Variants in ACAT1 observed in about 807,000 individuals in gnomAD.
The protein encoded by ACAT1 is acetyl-CoA acetyltransferase, mitochondrial.
A neutral mutation model predicts 47.3 loss-of-function variants in ACAT1; 28 were observed. That is an observed-to-expected ratio of 0.59 (90% CI 0.44 to 0.81). ACAT1 has a LOEUF of 0.81. Among genes scored for constraint, ACAT1 ranks in the 30% least tolerant of loss-of-function variants. The pLI, the probability that ACAT1 is intolerant of heterozygous loss-of-function variation, is 0.00. For missense variants in ACAT1, 469 were observed against 524.3 expected (o/e 0.89, Z 1.03); for synonymous variants, 181 against 173.6 (o/e 1.04, Z -0.34).
At position 108,138,891 on chromosome 11, in the gene ACAT1, T is replaced by C. The variant is rs775534544; in HGVS notation, c.436-7T>C. ...TAACATTGGGTTTTTCTGGTGTTTC[T>C]GCGCAGGATGTGATGGTGGCAGGTG... On this transcript the variant is annotated splice_polypyrimidine_tract_variant and splice_region_variant and intron_variant, in intron 5 of 11. Transcript: ENST00000265838. 2 of 1,614,202 alleles carry C rather than the reference T, an allele frequency of 1.2e-6. No homozygotes were observed. The highest frequency in any genetic ancestry group is 2.2e-5 in the East Asian group (1 of 44,878).
rs73559240 is a variant in ACAT1, at chr11:108,123,858, T to C, written c.72+2180T>C. The stretch of plus-strand genomic sequence containing the variant: ...ACCTTTATCCTATATTTGACACTAT[T>C]GACCACTCCCTTCTTGAAACTGTTT... On this transcript the variant is annotated intron_variant, in intron 1 of 11. Coordinates refer to ENST00000265838, the MANE Select transcript of ACAT1 (RefSeq NM_000019.4). 2.1e-3 allele frequency among the ~76,000 whole-genome samples: 320 copies of C among 152,306 alleles called. 1 individual carries two copies. Among genetic ancestry groups the C allele is most frequent in the African/African-American group, 7.2e-3 (301 of 41,582 alleles).
chr11:108,140,130 TATTA>T lies in ACAT1; in HGVS notation c.649_652del (p.Asn217LeufsTer25). ...CACGAAATGAACAGGACGCTTATGC[TATTA>T]ATTCTTATACCAGAAGTAAAGCAGC... On this transcript the variant is annotated frameshift_variant, in exon 7 of 12. Coordinates refer to ENST00000265838, the MANE Select transcript of ACAT1 (RefSeq NM_000019.4). LOFTEE classifies it high-confidence loss of function. The T allele has an allele frequency of 1.9e-6, 3 of 1,614,172 alleles. No individual in the cohort carries two copies. Among genetic ancestry groups the T allele is most frequent in the Non-Finnish European group, 2.5e-6 (3 of 1,179,984 alleles).
In ACAT1 at chr11:108,140,143, A is replaced by G. The variant is rs199573646; in HGVS notation, c.658A>G (p.Thr220Ala). 4.3e-6 allele frequency: 7 copies of G among 1,614,164 alleles called. No individual in the cohort carries two copies. In the East Asian group the frequency reaches 8.9e-5, roughly 21 times the overall value. The change falls in exon 7 of 12, where the codon ACC becomes GCC. Residue 220 changes from threonine (T) to alanine (A), a missense_variant. By Grantham distance (58) the Thr-to-Ala change is moderately conservative. Transcript: ENST00000265838. Reference sequence around the variant, plus strand: ...GGACGCTTATGCTATTAATTCTTATACCAGAAGTAAAGCAGCATGGGAAGC... The same window carrying G: ...GGACGCTTATGCTATTAATTCTTATGCCAGAAGTAAAGCAGCATGGGAAGC... ...EQDAYAINSY[T>A]RSKAAWEAGK...
intron 1 of ACAT1, among the ~76,000 whole-genome samples, chr11:108,127,674 T>C (rs188860596): frequency 3.8e-4 from 58 of 151,838 alleles, no homozygotes; most frequent in African/African-American, 1.3e-3. Flanking sequence ...CACTTGGAGG[T>C]TGGAAGGGGA....
Position 108,133,928 on chromosome 11 carries a change from G to T in ACAT1, c.229G>T (p.Glu77Ter). 1 of 1,613,800 alleles carries T rather than the reference G, an allele frequency of 6.2e-7. No individual in the cohort carries two copies. Among genetic ancestry groups the T allele is most frequent in the Non-Finnish European group, 8.5e-7 (1 of 1,179,756 alleles). ...LGSIAIQGAI[E>*]KAGIPKEEVK... is the part of the protein sequence containing the mutation. ...TTCCATTGCAATTCAGGGAGCCATT[G>T]AAAAGGCAGGTCAGTAGTTACTTGG... The change falls in exon 3 of 12, where the codon GAA becomes TAA. Residue 77 changes from glutamate to a stop codon, truncating the protein, a stop_gained. Transcript: ENST00000265838. LOFTEE classifies it high-confidence loss of function.
chr11:108,133,932 A>G lies in ACAT1; in HGVS notation c.233A>G (p.Lys78Arg). The G allele has an allele frequency of 6.2e-7, 1 of 1,613,682 alleles. No homozygotes were observed. The highest frequency in any genetic ancestry group is 8.5e-7 in the Non-Finnish European group (1 of 1,179,632). Residue 78 changes from lysine (K) to arginine (R), a missense_variant, in exon 3 of 12, where the codon AAG (lysine) becomes AGG (arginine). Transcript: ENST00000265838. ...ATTGCAATTCAGGGAGCCATTGAAAAGGCAGGTCAGTAGTTACTTGGCTTT... is the reference window on the plus strand; with the variant it reads ...ATTGCAATTCAGGGAGCCATTGAAAGGGCAGGTCAGTAGTTACTTGGCTTT... ...GSIAIQGAIE[K>R]AGIPKEEVKE...
At chr11:108,139,086 C>T in intron 6 of ACAT1, 45 bp downstream of exon 6, 1 of 1,608,490 alleles carries the variant, frequency 6.2e-7, no homozygotes, top group Non-Finnish European at 8.5e-7. Flanking sequence ...ATGTCCAATA[C>T]TGTTTGATTT....
intron 5 of ACAT1, chr11:108,136,187 A>AT: frequency 8.9e-6 from 5 of 560,800 alleles, no homozygotes; most frequent in East Asian, 3.1e-5. Context: ...TCAGATGAAG[A>AT]TTTTTTTCAG....
chr11:108,132,648 A>G (rs1328590962), intron 2 of ACAT1, among the ~76,000 whole-genome samples: 3 of 151,704 alleles, frequency 2.0e-5, no homozygotes, highest in Non-Finnish European at 2.9e-5. Flanking sequence ...AGGTCAGGAG[A>G]TCGAGACCAT....
chr11:108,143,597 T>C (rs977807084), intron 9 of ACAT1: 1 of 155,072 alleles, frequency 6.4e-6, no homozygotes, highest in Non-Finnish European at 1.4e-5. Flanking sequence ...TTAGCTTAGA[T>C]CATGGTTTCT....
rs879255505 is a variant in ACAT1, at chr11:108,140,138, C to T, written c.653C>T (p.Ser218Phe). 6.2e-7 allele frequency: 1 copy of T among 1,614,126 alleles called. No homozygotes were observed. Among genetic ancestry groups the T allele is most frequent in the Non-Finnish European group, 8.5e-7 (1 of 1,180,010 alleles). The part of the protein sequence containing the change: ...RNEQDAYAIN[S>F]YTRSKAAWEA... Reference sequence around the variant, plus strand: ...GAACAGGACGCTTATGCTATTAATTCTTATACCAGAAGTAAAGCAGCATGG... The same window carrying T: ...GAACAGGACGCTTATGCTATTAATTTTTATACCAGAAGTAAAGCAGCATGG... The change falls in exon 7 of 12, where the codon TCT (serine) becomes TTT (phenylalanine). Residue 218 changes from serine (S) to phenylalanine (F), a missense_variant. Transcript: ENST00000265838.
chr11:108,137,748 C>T (rs1318263843), intron 5 of ACAT1, among the ~76,000 whole-genome samples: 1 of 151,714 alleles, frequency 6.6e-6, no homozygotes, highest in Admixed American at 6.6e-5. Context: ...TTGAGACCGG[C>T]CTGGGTGATA....
At position 108,133,803 on chromosome 11, in the gene ACAT1, A is replaced by G. The variant is rs1461128624; in HGVS notation, c.121-17A>G. ...GGGTAAAATACCTATAATTTTTACC[A>G]TCTTGTGTCTTGCCAGGAAGTGGTC... On this transcript the variant is annotated splice_polypyrimidine_tract_variant and intron_variant, in intron 2 of 11. Coordinates refer to ENST00000265838, the MANE Select transcript of ACAT1 (RefSeq NM_000019.4). 6.3e-7 allele frequency: 1 copy of G among 1,591,332 alleles called. No homozygotes were observed. The highest frequency in any genetic ancestry group is 8.6e-7 in the Non-Finnish European group (1 of 1,159,482).
At chr11:108,131,485 G>A (rs549239459) in intron 1 of ACAT1, among the ~76,000 whole-genome samples, 34 of 151,202 alleles carry the variant, frequency 2.2e-4, no homozygotes, top group African/African-American at 8.3e-4. Context: ...TGAAGTAGCT[G>A]GGATTATAGG....
chr11:108,121,200 CAAAA>C (rs10561331), upstream of ACAT1: 2,547 of 249,552 alleles, frequency 0.01, no homozygotes, highest in South Asian at 0.022. Context: ...GACCTTGTCT[CAAAA>C]AAAAAAAAAA....
At chr11:108,143,882 C>T (rs2134779380) in intron 9 of ACAT1, 101 bp from the exon 10 acceptor site, 1 of 1,301,328 alleles carries the variant, frequency 7.7e-7, no homozygotes, top group Non-Finnish European at 1.1e-6. Flanking sequence ...ATTAAAGGGG[C>T]TAGGAAATGT....
chr11:108,146,818 ACG>A (rs2134794586), intron 11 of ACAT1, among the ~76,000 whole-genome samples: 1 of 152,318 alleles, frequency 6.6e-6, no homozygotes, highest in South Asian at 2.1e-4. Flanking sequence ...ACGGTGGCTC[ACG>A]CCTGTAATCC....
At chr11:108,121,494 A>G, upstream of ACAT1, 6 of 1,200,206 alleles carry the variant, frequency 5.0e-6, no homozygotes, top group Non-Finnish European at 7.2e-6. Flanking sequence ...CTGAGAGGCG[A>G]CTATTGGAGG....
chr11:108,134,064 G>C (rs1425729490), intron 3 of ACAT1, 127 bp downstream of exon 3: 3 of 1,170,592 alleles, frequency 2.6e-6, no homozygotes, highest in Non-Finnish European at 3.8e-6. Flanking sequence ...GCTTTCCCTT[G>C]TAAAGAAGTC....
Sources: allele counts gnomAD v4.1 joint callset (sites outside exome capture counted in the v4.1 genomes callset), GRCh38; gene constraint gnomAD v4.1.1; transcripts MANE v1.5; gene names NCBI Gene and HGNC (gene_info 2026-07-23, HGNC 2026-07-21).